SBF2: variants seen among roughly 807,000 people sequenced by gnomAD.
SBF2 encodes the protein myotubularin-related protein 13.
A neutral mutation model predicts 225.2 loss-of-function variants in SBF2; 112 were observed. The ratio of observed to expected loss-of-function variants is 0.50; its 90% CI spans 0.43 to 0.58. The LOEUF is 0.58. SBF2 is among the 20% of genes least tolerant of loss of function. The probability of loss-of-function intolerance (pLI) is 0.00; values close to 1 mark genes in which losing one functional copy is unlikely to be tolerated. For synonymous variants in SBF2, 763 were observed against 773.3 expected, an observed-to-expected ratio of 0.99 and a Z score of 0.22; for missense variants, 1,996 against 2,206.2, an observed-to-expected ratio of 0.90 and a Z score of 1.91.
At chr11:10,238,325 C>T (rs1959162066) in intron 1 of SBF2, among the ~76,000 whole-genome samples, 9 of 152,036 alleles carry the variant, frequency 5.9e-5, no homozygotes. Flanking sequence ...GGGAGGACTG[C>T]CTGAGCCTGG....
At chr11:10,230,413 C>G (rs1958787979) in intron 1 of SBF2, among the ~76,000 whole-genome samples, 2 of 152,180 alleles carry the variant, frequency 1.3e-5, no homozygotes. Flanking sequence ...CCTTGATGGT[C>G]TTTACAATTT....
chr11:10,043,048 A>G, intron 2 of SBF2, 67 bp from the exon 3 acceptor site: 1 of 1,507,980 alleles, frequency 6.6e-7, no homozygotes, highest in Non-Finnish European at 9.1e-7. Context: ...ATCTCTGAGA[A>G]ATTTTAAATG....
At chr11:9,798,066 G>C (rs952397406) in intron 32 of SBF2, among the ~76,000 whole-genome samples, 1 of 151,886 alleles carries the variant, frequency 6.6e-6, no homozygotes, top group African/African-American at 2.4e-5. Context: ...ACATAATTAA[G>C]GATCAATATT....
chr11:9,963,697 G>T (rs913517231), intron 15 of SBF2, 76 bp downstream of exon 15: 3 of 734,356 alleles, frequency 4.1e-6, no homozygotes, highest in African/African-American at 3.5e-5. Flanking sequence ...AAAGAAGAGA[G>T]AAGCTGGTAA....
At chr11:10,092,502 C>T (rs1010149261) in intron 2 of SBF2, among the ~76,000 whole-genome samples, 3 of 152,086 alleles carry the variant, frequency 2.0e-5, no homozygotes, top group East Asian at 1.9e-4. Context: ...TTTTCCCATA[C>T]GATTATCAGA....
intron 16 of SBF2, among the ~76,000 whole-genome samples, chr11:9,913,635 G>A (rs951786301): frequency 8.6e-6 from 1 of 115,700 alleles, no homozygotes; most frequent in African/African-American, 3.4e-5. Context: ...TAAAATAGCT[G>A]AGATTAAAAA....
At chr11:10,058,719 T>C (rs1950336026) in intron 2 of SBF2, among the ~76,000 whole-genome samples, 1 of 151,960 alleles carries the variant, frequency 6.6e-6, no homozygotes, top group East Asian at 1.9e-4. Context: ...AATCATCAGA[T>C]TTTCAAAATG....
intron 1 of SBF2, among the ~76,000 whole-genome samples, chr11:10,257,604 G>A (rs1960971048): frequency 6.8e-6 from 1 of 146,180 alleles, no homozygotes; most frequent in African/African-American, 2.5e-5. Context: ...AGTAGAGGCT[G>A]CAGTGAAATA....
intron 28 of SBF2, among the ~76,000 whole-genome samples, chr11:9,822,506 C>T (rs1167168312): frequency 2.6e-5 from 4 of 152,078 alleles, no homozygotes; most frequent in African/African-American, 7.2e-5. Flanking sequence ...GTGATCCGCC[C>T]GCCTCGGCCT....
intron 16 of SBF2, among the ~76,000 whole-genome samples, chr11:9,939,967 T>A (rs990909372): frequency 2.0e-5 from 3 of 152,216 alleles, no homozygotes; most frequent in African/African-American, 4.8e-5. Context: ...CACAGCATTT[T>A]TGAATGTATA....
At chr11:10,195,419 A>G (rs1049758828) in intron 1 of SBF2, among the ~76,000 whole-genome samples, 45 of 152,166 alleles carry the variant, frequency 3.0e-4, no homozygotes, top group Non-Finnish European at 5.4e-4. Context: ...GTTAAATCTA[A>G]ACTAATTCTT....
At chr11:10,093,817 A>C (rs1951887387) in intron 2 of SBF2, among the ~76,000 whole-genome samples, 1 of 152,212 alleles carries the variant, frequency 6.6e-6, no homozygotes. Context: ...ATCTTGAAAA[A>C]CTGTAGGAAG....
At chr11:10,202,515 G>A (rs1350142874) in intron 1 of SBF2, among the ~76,000 whole-genome samples, 1 of 152,188 alleles carries the variant, frequency 6.6e-6, no homozygotes, top group Non-Finnish European at 1.5e-5. Flanking sequence ...GCCGAGCGAG[G>A]GGGCTCAGGC....
chr11:9,914,060 G>A (rs10770074), intron 16 of SBF2, among the ~76,000 whole-genome samples: 76,532 of 151,992 alleles, frequency 0.5, 19,894 homozygotes, highest in African/African-American at 0.61. Flanking sequence ...ATAAAATTAT[G>A]AGGCATACTA....
chr11:10,100,057 G>A, intron 2 of SBF2, among the ~76,000 whole-genome samples: 1 of 152,116 alleles, frequency 6.6e-6, no homozygotes, highest in East Asian at 1.9e-4. Context: ...GACAAAGTGG[G>A]TGAATCAATA....
In SBF2 at chr11:10,042,884, C is replaced by G; in HGVS notation, c.239G>C (p.Cys80Ser). ...LTDIDSDRHYCSCLTFYEAEI... is the reference protein window; with the variant it reads ...LTDIDSDRHYSSCLTFYEAEI... ...TGCCTCATAGAAGGTTAGGCATGAG[C>G]AGTAATGTCGATCTGAGTCAATGTC... Residue 80 changes from cysteine to serine, a missense_variant, in exon 3 of 40, where the codon TGC (cysteine) becomes TCC (serine). By Grantham distance (112) the Cys-to-Ser change is moderately radical. Transcript: ENST00000256190. 1 of 1,613,952 alleles carries G rather than the reference C, an allele frequency of 6.2e-7. No homozygotes were observed. Among genetic ancestry groups the G allele is most frequent in the Non-Finnish European group, 8.5e-7 (1 of 1,179,910 alleles).
At chr11:9,831,397 G>A (rs1253011438) in intron 27 of SBF2, among the ~76,000 whole-genome samples, 3 of 152,226 alleles carry the variant, frequency 2.0e-5, no homozygotes, top group African/African-American at 7.2e-5. Context: ...TACACCAGTA[G>A]TGAGACTTCA....
At chr11:10,200,628 T>C (rs1019487330) in intron 1 of SBF2, among the ~76,000 whole-genome samples, 1 of 152,196 alleles carries the variant, frequency 6.6e-6, no homozygotes, top group African/African-American at 2.4e-5. Flanking sequence ...GTCAGCTCAG[T>C]ACATGCATTT....
At chr11:9,825,760 G>A (rs7115324) in intron 28 of SBF2, among the ~76,000 whole-genome samples, 45,627 of 152,058 alleles carry the variant, frequency 0.3, 7,823 homozygotes, top group African/African-American at 0.47. Flanking sequence ...CGTATAATAA[G>A]TCACAGCAAA....
Sources: allele counts gnomAD v4.1 joint callset (sites outside exome capture counted in the v4.1 genomes callset), GRCh38; gene constraint gnomAD v4.1.1; transcripts MANE v1.5; gene names NCBI Gene and HGNC (gene_info 2026-07-23, HGNC 2026-07-21).